GPHN: variants seen among roughly 807,000 people sequenced by gnomAD.
The protein encoded by GPHN is gephyrin.
In GPHN, 17 loss-of-function variants were observed where a neutral mutation model predicts 95.5. The ratio of observed to expected loss-of-function variants is 0.18; its 90% CI spans 0.12 to 0.27. The LOEUF (loss-of-function observed/expected upper bound fraction) is 0.27. Among genes scored for constraint, GPHN ranks in the 10% least tolerant of loss-of-function variants. GPHN has a pLI of 1.00. For missense variants in GPHN, 660 were observed against 978.1 expected (o/e 0.67, Z 4.34); for synonymous variants, 320 against 322.5 (o/e 0.99, Z 0.08).
chr14:66,620,599 G>A (rs561045269), intron 1 of GPHN, among the ~76,000 whole-genome samples: 5 of 152,202 alleles, frequency 3.3e-5, no homozygotes, highest in African/African-American at 1.2e-4. Context: ...ATGACACGTG[G>A]GAATTGTAGG....
intron 11 of GPHN, among the ~76,000 whole-genome samples, chr14:67,081,722 A>T (rs763052443): frequency 1.3e-5 from 2 of 152,188 alleles, no homozygotes; most frequent in Non-Finnish European, 2.9e-5. Flanking sequence ...TAGAATTTTT[A>T]TAGTTTCAGT....
At chr14:67,674,492 C>G in the GPHN span, 1 of 1,597,928 alleles carries the variant, frequency 6.3e-7, no homozygotes, top group East Asian at 2.3e-5. Context: ...GAGGCCATGG[C>G]GCAGGCCGCG....
chr14:67,187,976 C>T, the GPHN span, among the ~76,000 whole-genome samples: 196 of 152,282 alleles, frequency 1.3e-3, no homozygotes, highest in East Asian at 2.9e-3. Flanking sequence ...GACTGTTCAC[C>T]TTTGTGGTCC....
chr14:67,481,980 CAGG>C, the GPHN span, among the ~76,000 whole-genome samples: 6 of 152,288 alleles, frequency 3.9e-5, no homozygotes, highest in African/African-American at 1.4e-4. Flanking sequence ...AGGTTGAATG[CAGG>C]AGGACAGAGT....
chr14:67,393,426 G>T, the GPHN span, among the ~76,000 whole-genome samples: 1 of 152,056 alleles, frequency 6.6e-6, no homozygotes, highest in Non-Finnish European at 1.5e-5. Flanking sequence ...AAGTGAAGCC[G>T]CCATGATGAT....
chr14:67,431,720 CA>C, the GPHN span, among the ~76,000 whole-genome samples: 3 of 151,404 alleles, frequency 2.0e-5, no homozygotes, highest in East Asian at 5.8e-4. Context: ...AGCAGCAGAC[CA>C]AAACAGCGGC....
At chr14:67,634,154 A>T in the GPHN span, among the ~76,000 whole-genome samples, 2 of 152,192 alleles carry the variant, frequency 1.3e-5, no homozygotes, top group African/African-American at 4.8e-5. Context: ...CATTCACATC[A>T]CAACCCTTGA....
intron 3 of GPHN, among the ~76,000 whole-genome samples, chr14:66,783,072 T>C (rs1430081331): frequency 6.6e-6 from 1 of 152,152 alleles, no homozygotes. Flanking sequence ...AAAAGCCTGT[T>C]TGTCTAGCCA....
chr14:66,876,115 A>C (rs2153531059), intron 4 of GPHN, among the ~76,000 whole-genome samples: 1 of 152,348 alleles, frequency 6.6e-6, no homozygotes, highest in East Asian at 1.9e-4. Context: ...CCGCACAATT[A>C]TATGGAAACT....
At chr14:66,738,778 G>T (rs1265064814) in intron 2 of GPHN, among the ~76,000 whole-genome samples, 1 of 151,872 alleles carries the variant, frequency 6.6e-6, no homozygotes, top group Non-Finnish European at 1.5e-5. Flanking sequence ...GCTCTGTTAG[G>T]TGAATTTATT....
chr14:66,893,430 G>A (rs566071416), intron 5 of GPHN, among the ~76,000 whole-genome samples: 4 of 152,258 alleles, frequency 2.6e-5, no homozygotes, highest in Admixed American at 2.6e-4. Context: ...AAAACTGGAA[G>A]CATTCCCTTT....
chr14:67,315,478 G>C, the GPHN span, among the ~76,000 whole-genome samples: 1 of 151,846 alleles, frequency 6.6e-6, no homozygotes, highest in Non-Finnish European at 1.5e-5. Context: ...GGGTTTCACC[G>C]TGTTAGCCAG....
chr14:66,982,875 T>C (rs1183355827), intron 9 of GPHN, among the ~76,000 whole-genome samples: 1 of 152,226 alleles, frequency 6.6e-6, no homozygotes, highest in Non-Finnish European at 1.5e-5. Context: ...GAAGCTCTTA[T>C]TATTAAGAAT....
the GPHN span, chr14:67,241,364 G>T: frequency 6.5e-6 from 1 of 154,396 alleles, no homozygotes; most frequent in South Asian, 1.8e-4. Flanking sequence ...TGACGGCGGC[G>T]ACGGAGGAGG....
the GPHN span, among the ~76,000 whole-genome samples, chr14:67,655,344 C>T: frequency 6.6e-6 from 1 of 151,932 alleles, no homozygotes; most frequent in African/African-American, 2.4e-5. Flanking sequence ...CTAAAAAATT[C>T]CTATGTAGGT....
At chr14:67,575,382 T>A in the GPHN span, 1 of 1,573,622 alleles carries the variant, frequency 6.4e-7, no homozygotes, top group Non-Finnish European at 8.7e-7. Flanking sequence ...AGTTCATTTC[T>A]GTCTTACAGG....
the GPHN span, chr14:67,580,094 CA>C: frequency 3.8e-6 from 2 of 531,774 alleles, no homozygotes; most frequent in Non-Finnish European, 6.7e-6. Flanking sequence ...AAGATCGCTA[CA>C]CACCTACTTC....
At chr14:67,469,892 T>C in the GPHN span, among the ~76,000 whole-genome samples, 2 of 152,162 alleles carry the variant, frequency 1.3e-5, no homozygotes, top group Non-Finnish European at 2.9e-5. Context: ...TCCTGCCTCA[T>C]GAGATGTCTC....
rs1007189524 is a variant in GPHN, at chr14:67,181,110, A to T, written c.*173A>T. The T allele has an allele frequency of 2.9e-6, 2 of 693,524 alleles. No individual in the cohort carries two copies. Among genetic ancestry groups the T allele is most frequent in the Admixed American group, 5.7e-5 (2 of 35,376 alleles). 43.0% of individuals were successfully genotyped at this position (693,524 alleles called of 1,614,324 possible). A position where few individuals can be genotyped will look rare whatever the true frequency, so the allele number is the denominator to read the frequency against. ...ATATCTTTTAAAGAAAAAAACACCT[A>T]AAAATAAATCTTAACAGAAAATTCT... On this transcript the variant is annotated 3_prime_UTR_variant, in exon 23 of 23. Coordinates refer to ENST00000478722, the MANE Select transcript of GPHN (RefSeq NM_020806.5).
Sources: allele counts gnomAD v4.1 joint callset (sites outside exome capture counted in the v4.1 genomes callset), GRCh38; gene constraint gnomAD v4.1.1; transcripts MANE v1.5; gene names NCBI Gene and HGNC (gene_info 2026-07-23, HGNC 2026-07-21).